Variants in IL1RAPL2 observed in about 807,000 individuals in gnomAD.
IL1RAPL2 encodes X-linked interleukin-1 receptor accessory protein-like 2.
In IL1RAPL2, 3 loss-of-function variants were observed where a neutral mutation model predicts 44.1. That is an observed-to-expected ratio of 0.07 (90% CI 0.03 to 0.18). The LOEUF (loss-of-function observed/expected upper bound fraction) is 0.18, where lower values mean the gene tolerates loss of function less well. Ranked by LOEUF, IL1RAPL2 falls within the 10% of genes least tolerant of loss-of-function variation. IL1RAPL2 has a pLI of 1.00. For missense variants in IL1RAPL2, 391 were observed against 496.4 expected (o/e 0.79, Z 2.02); for synonymous variants, 181 against 178.8 (o/e 1.01, Z -0.10).
intron 6 of IL1RAPL2, among the ~76,000 whole-genome samples, chrX:105,544,684 G>A (rs1602460222): frequency 8.9e-6 from 1 of 111,760 alleles, no homozygotes; most frequent in East Asian, 2.8e-4. Flanking sequence ...TGGGAATTTA[G>A]CTAATTCATG....
chrX:104,611,384 C>G (rs778300863), intron 1 of IL1RAPL2, among the ~76,000 whole-genome samples: 2 of 111,113 alleles, frequency 1.8e-5, no homozygotes, highest in Non-Finnish European at 3.8e-5. Flanking sequence ...AGGCAGTTGG[C>G]CTTGCTGAGC....
intron 6 of IL1RAPL2, among the ~76,000 whole-genome samples, chrX:105,488,965 C>A (rs1392807863): frequency 8.9e-6 from 1 of 111,909 alleles, no homozygotes; most frequent in Non-Finnish European, 1.9e-5. Flanking sequence ...AATTTAGATA[C>A]GTTTTTGCTG....
chrX:104,909,883 A>T (rs1043819285), intron 2 of IL1RAPL2, among the ~76,000 whole-genome samples: 2 of 112,383 alleles, frequency 1.8e-5, no homozygotes, highest in Non-Finnish European at 3.8e-5. Context: ...GGCTCCACCC[A>T]GTTCGAGCTT....
At chrX:104,896,278 G>T (rs1363226675) in intron 2 of IL1RAPL2, among the ~76,000 whole-genome samples, 1 of 111,689 alleles carries the variant, frequency 9.0e-6, no homozygotes, top group Non-Finnish European at 1.9e-5. Flanking sequence ...AGCTACAGAT[G>T]GTCTTACAAA....
intron 2 of IL1RAPL2, among the ~76,000 whole-genome samples, chrX:104,854,475 G>A (rs1439447182): frequency 5.4e-5 from 6 of 111,357 alleles, no homozygotes; most frequent in Non-Finnish European, 5.6e-5. Context: ...TACCACACAG[G>A]CTATTTGAGA....
At chrX:104,677,262 C>G (rs1386700708) in intron 2 of IL1RAPL2, among the ~76,000 whole-genome samples, 2 of 110,968 alleles carry the variant, frequency 1.8e-5, no homozygotes, top group Non-Finnish European at 3.8e-5. Context: ...TGGTGATGTA[C>G]AGATGGGTTT....
chrX:104,602,401 T>C (rs1205905577), intron 1 of IL1RAPL2, among the ~76,000 whole-genome samples: 1 of 111,344 alleles, frequency 9.0e-6, no homozygotes, highest in African/African-American at 3.3e-5. Flanking sequence ...TGGTTGACCA[T>C]TTGGGCAGAC....
At chrX:105,098,915 G>A (rs959373884) in intron 2 of IL1RAPL2, among the ~76,000 whole-genome samples, 2 of 112,278 alleles carry the variant, frequency 1.8e-5, no homozygotes, top group African/African-American at 6.5e-5. Flanking sequence ...AGAAAAGGCT[G>A]ATAAATCAGA....
intron 2 of IL1RAPL2, among the ~76,000 whole-genome samples, chrX:104,826,938 C>CTTTTTTTTTTTTT (rs1176113214): frequency 3.4e-4 from 12 of 34,870 alleles, no homozygotes; most frequent in East Asian, 9.9e-4. Context: ...GCAACCCCTG[C>CTTTTTTTTTTTTT]TTTTTTTTTT....
chrX:104,846,591 TATC>T (rs1475517391), intron 2 of IL1RAPL2, among the ~76,000 whole-genome samples: 1 of 112,202 alleles, frequency 8.9e-6, no homozygotes, highest in Non-Finnish European at 1.9e-5. Flanking sequence ...TAATCCAGTC[TATC>T]ATTGATGGAC....
At chrX:104,820,451 A>G (rs963501893) in intron 2 of IL1RAPL2, among the ~76,000 whole-genome samples, 5 of 111,235 alleles carry the variant, frequency 4.5e-5, no homozygotes, top group Non-Finnish European at 7.5e-5. Flanking sequence ...TTAATTTATT[A>G]TCTTGTCTCA....
At chrX:104,620,206 ATGTGG>A (rs1474020025) in intron 1 of IL1RAPL2, among the ~76,000 whole-genome samples, 1 of 111,024 alleles carries the variant, frequency 9.0e-6, no homozygotes, top group African/African-American at 3.3e-5. Flanking sequence ...GCATTAAAAG[ATGTGG>A]TGTAATTGGG....
At chrX:105,142,940 C>T (rs184849757) in intron 2 of IL1RAPL2, among the ~76,000 whole-genome samples, 3 of 110,693 alleles carry the variant, frequency 2.7e-5, no homozygotes, top group Admixed American at 1.9e-4. Context: ...ATCCATGTCC[C>T]TACAAAGGAC....
chrX:104,801,665 A>G (rs909366594), intron 2 of IL1RAPL2, among the ~76,000 whole-genome samples: 4 of 111,524 alleles, frequency 3.6e-5, no homozygotes, highest in Admixed American at 2.9e-4. Flanking sequence ...GTAGCAGTTT[A>G]GGCTTGATTT....
intron 2 of IL1RAPL2, among the ~76,000 whole-genome samples, chrX:104,978,627 A>C (rs1018725217): frequency 3.6e-5 from 4 of 111,763 alleles, no homozygotes; most frequent in Non-Finnish European, 7.5e-5. Context: ...AAGAGGCACA[A>C]TCATCATTAT....
intron 6 of IL1RAPL2, among the ~76,000 whole-genome samples, chrX:105,504,426 T>G (rs2036417118): frequency 8.9e-6 from 1 of 111,838 alleles, no homozygotes; most frequent in Admixed American, 9.5e-5. Context: ...CTTACTCATT[T>G]TATGACAGAA....
intron 2 of IL1RAPL2, among the ~76,000 whole-genome samples, chrX:104,861,378 C>T (rs1028543064): frequency 9.0e-6 from 1 of 111,415 alleles, no homozygotes; most frequent in African/African-American, 3.3e-5. Context: ...ACATTCAGTG[C>T]CCTCAAAGAA....
intron 2 of IL1RAPL2, among the ~76,000 whole-genome samples, chrX:104,748,244 A>G (rs908032936): frequency 8.9e-6 from 1 of 112,061 alleles, no homozygotes; most frequent in Non-Finnish European, 1.9e-5. Flanking sequence ...GTAAGGATTC[A>G]ATCTTTGAAG....
intron 2 of IL1RAPL2, among the ~76,000 whole-genome samples, chrX:104,831,576 A>G (rs1162217911): frequency 8.9e-6 from 1 of 111,815 alleles, no homozygotes; most frequent in Non-Finnish European, 1.9e-5. Flanking sequence ...TTTCAGCATT[A>G]TATTGCCTCT....
Sources: allele counts gnomAD v4.1 joint callset (sites outside exome capture counted in the v4.1 genomes callset), GRCh38; gene constraint gnomAD v4.1.1; transcripts MANE v1.5; gene names NCBI Gene and HGNC (gene_info 2026-07-23, HGNC 2026-07-21).